Variants in ROR1 observed in about 807,000 individuals in gnomAD.
The protein encoded by ROR1 is ROR family WNT receptor 1, also known as inactive tyrosine-protein kinase transmembrane receptor ROR1.
In ROR1, 19 loss-of-function variants were observed where a neutral mutation model predicts 78.8. That is an observed-to-expected ratio of 0.24 (90% CI 0.17 to 0.35). ROR1 has a LOEUF of 0.35. Ranked by LOEUF, ROR1 falls within the 10% of genes least tolerant of loss-of-function variation. The pLI, the probability that ROR1 is intolerant of heterozygous loss-of-function variation, is 1.00. For synonymous variants in ROR1, 386 were observed against 433.6 expected (o/e 0.89, Z 1.36); for missense variants, 917 against 1,177.8 (o/e 0.78, Z 3.24).
At chr1:63,883,023 G>A (rs1369612865) in intron 1 of ROR1, among the ~76,000 whole-genome samples, 1 of 151,994 alleles carries the variant, frequency 6.6e-6, no homozygotes, top group Non-Finnish European at 1.5e-5. Flanking sequence ...TTTCTGGAAA[G>A]CAAATTTCAG....
At chr1:63,879,259 C>T (rs186276406) in intron 1 of ROR1, among the ~76,000 whole-genome samples, 1 of 152,178 alleles carries the variant, frequency 6.6e-6, no homozygotes, top group Admixed American at 6.5e-5. Flanking sequence ...TAAATTTGAC[C>T]TGAAAATTAT....
At chr1:63,868,761 T>C (rs973988605) in intron 1 of ROR1, among the ~76,000 whole-genome samples, 6 of 152,188 alleles carry the variant, frequency 3.9e-5, no homozygotes, top group African/African-American at 1.4e-4. Context: ...AGGAGTTTCA[T>C]GGGGCACATG....
At chr1:63,791,954 G>A (rs1337226011) in intron 1 of ROR1, among the ~76,000 whole-genome samples, 1 of 152,094 alleles carries the variant, frequency 6.6e-6, no homozygotes, top group East Asian at 1.9e-4. Flanking sequence ...TCTTGATACT[G>A]AGGGTAAAGC....
At chr1:63,903,432 A>C (rs1645501791) in intron 1 of ROR1, among the ~76,000 whole-genome samples, 1 of 150,334 alleles carries the variant, frequency 6.7e-6, no homozygotes, top group Non-Finnish European at 1.5e-5. Flanking sequence ...CTTCCATTTT[A>C]GGTTTTTTTT....
chr1:64,085,585 G>A (rs1647145924), intron 4 of ROR1, among the ~76,000 whole-genome samples: 1 of 152,104 alleles, frequency 6.6e-6, no homozygotes. Flanking sequence ...ACCCCAAAAT[G>A]CTTTTCACCA....
rs1292018546 is a variant in ROR1 at position 63,841,482 on chromosome 1, T to A, written c.91+66974T>A. 2.0e-5 allele frequency among the ~76,000 whole-genome samples: 3 copies of A among 152,234 alleles called. No homozygotes were observed. The East Asian group carries it at 5.8e-4, about 29-fold the overall frequency. ...CAATAAGAAAACCAACAATATTGCT[T>A]TTTAATGACATGATATTATGAGTCT... On this transcript the variant is annotated intron_variant, in intron 1 of 8. Transcript: ENST00000371079.
chr1:63,926,024 T>G (rs1409747275), intron 1 of ROR1, among the ~76,000 whole-genome samples: 1 of 151,764 alleles, frequency 6.6e-6, no homozygotes, highest in Non-Finnish European at 1.5e-5. Flanking sequence ...TTTAATTAGA[T>G]CCCATTTGTC....
chr1:64,011,433 T>C (rs1300551841), intron 2 of ROR1, among the ~76,000 whole-genome samples: 1 of 152,226 alleles, frequency 6.6e-6, no homozygotes, highest in African/African-American at 2.4e-5. Context: ...AGAAAAATTA[T>C]ATCATTGCAC....
intron 4 of ROR1, among the ~76,000 whole-genome samples, chr1:64,051,467 T>TAAAAAA (rs1241586067): frequency 4.1e-5 from 1 of 24,658 alleles, no homozygotes; most frequent in Non-Finnish European, 1.7e-4. Flanking sequence ...AAAAATAAAA[T>TAAAAAA]AAAATAAAAT....
At chr1:63,833,938 T>C (rs1645004156) in intron 1 of ROR1, among the ~76,000 whole-genome samples, 1 of 151,966 alleles carries the variant, frequency 6.6e-6, no homozygotes, top group African/African-American at 2.4e-5. Context: ...AATAGTGAAA[T>C]TACATCAATG....
rs768084452 is a variant in ROR1 at position 63,985,227 on chromosome 1, T to C, written c.92-24078T>C. On this transcript the variant is annotated intron_variant, in intron 1 of 8. Transcript: ENST00000371079. ...GACTAGGAAATCTGATAACGAAGCT[T>C]GTGAAAAGTACGTATAAACAGCTTC... 3.0e-4 allele frequency among the ~76,000 whole-genome samples: 46 copies of C among 152,158 alleles called. 2 individuals are homozygous for C. The highest frequency in any genetic ancestry group is 1.0e-4 in the Non-Finnish European group (7 of 68,034).
At chr1:64,136,574 C>A (rs1286005305) in intron 4 of ROR1, among the ~76,000 whole-genome samples, 1 of 151,988 alleles carries the variant, frequency 6.6e-6, no homozygotes, top group Non-Finnish European at 1.5e-5. Flanking sequence ...GTCTTCATCT[C>A]CAGCCTTAGA....
intron 1 of ROR1, among the ~76,000 whole-genome samples, chr1:63,883,247 A>G (rs957115109): frequency 1.3e-5 from 2 of 152,142 alleles, no homozygotes; most frequent in African/African-American, 4.8e-5. Context: ...AAATATCCCT[A>G]CACTGTACTG....
chr1:63,993,432 C>A (rs1197139521), intron 1 of ROR1, among the ~76,000 whole-genome samples: 1 of 152,178 alleles, frequency 6.6e-6, no homozygotes, highest in African/African-American at 2.4e-5. Context: ...ACCACCAGTT[C>A]CCCTTCTCTG....
chr1:63,836,841 T>G (rs1645021187), intron 1 of ROR1, among the ~76,000 whole-genome samples: 1 of 152,216 alleles, frequency 6.6e-6, no homozygotes, highest in Admixed American at 6.5e-5. Context: ...AATTAATTTA[T>G]GTTTATTTTG....
intron 1 of ROR1, among the ~76,000 whole-genome samples, chr1:63,858,223 GT>G (rs1645160377): frequency 6.6e-6 from 1 of 152,138 alleles, no homozygotes; most frequent in African/African-American, 2.4e-5. Context: ...CTGAAATGGT[GT>G]CTTCTTGACT....
rs540948159 is a variant in ROR1 at position 63,987,113 on chromosome 1, G to A, written c.92-22192G>A. ...GTTTCTGCCTCTGCTCTTTTCCCTT[G>A]AATGCTGTCACACAGATCCAAGCAA... On this transcript the variant is annotated intron_variant, in intron 1 of 8. Transcript: ENST00000371079. Among the ~76,000 whole-genome samples the A allele has an allele frequency of 5.3e-5, 8 of 152,126 alleles. No individual in the cohort carries two copies. In the South Asian group the frequency reaches 1.7e-3, roughly 32 times the overall value.
chr1:64,144,632 G>T, intron 7 of ROR1, among the ~76,000 whole-genome samples: 1 of 152,148 alleles, frequency 6.6e-6, no homozygotes, highest in East Asian at 1.9e-4. Context: ...TTATGGATAA[G>T]AAAACTGACA....
chr1:63,996,026 A>T (rs1410490252), intron 1 of ROR1, among the ~76,000 whole-genome samples: 8 of 152,178 alleles, frequency 5.3e-5, no homozygotes, highest in Non-Finnish European at 7.3e-5. Flanking sequence ...ATGTGATAAT[A>T]TAGGGAGCAT....
Sources: allele counts gnomAD v4.1 joint callset (sites outside exome capture counted in the v4.1 genomes callset), GRCh38; gene constraint gnomAD v4.1.1; transcripts MANE v1.5; gene names NCBI Gene and HGNC (gene_info 2026-07-23, HGNC 2026-07-21).